Variants in SLC4A1 observed in about 807,000 individuals in gnomAD.
SLC4A1 encodes the protein solute carrier family 4 member 1 (Diego blood group).
Under a neutral mutation model 93.1 loss-of-function variants are expected in SLC4A1, and 29 were observed. The ratio of observed to expected loss-of-function variants is 0.31; its 90% confidence interval spans 0.23 to 0.42. The LOEUF (loss-of-function observed/expected upper bound fraction) is 0.42. Ranked by LOEUF, SLC4A1 falls within the 20% of genes least tolerant of loss-of-function variation. The probability of loss-of-function intolerance (pLI) is 1.00; values close to 1 mark genes in which losing one functional copy is unlikely to be tolerated. For missense variants in SLC4A1, 965 were observed against 1,190.1 expected, an observed-to-expected ratio of 0.81 and a Z score of 2.78; for synonymous variants, 469 against 497.2, an observed-to-expected ratio of 0.94 and a Z score of 0.76.
chr17:44,250,411 T>G lies in SLC4A1; in HGVS notation c.*47A>C. ...TGAACTTCTGCTTTTCCTTGGAAGG[T>G]GGGGATGTGGAATGGTGGGGGAGGG... On this transcript the variant is annotated 3_prime_UTR_variant, in exon 20 of 20. Coordinates refer to ENST00000262418, the MANE Select transcript of SLC4A1 (RefSeq NM_000342.4). 1 of 1,452,148 alleles carries G rather than the reference T, an allele frequency of 6.9e-7. No individual in the cohort carries two copies. Among genetic ancestry groups the G allele is most frequent in the South Asian group, 1.1e-5 (1 of 87,678 alleles). The allele number at this position is 1,452,148 out of a possible 1,614,324, so 90.0% of individuals were successfully genotyped here.
chr17:44,254,463 CCTCCCAGG>C, intron 16 of SLC4A1, 25 bp downstream of exon 16: 1 of 1,318,268 alleles, frequency 7.6e-7, no homozygotes, highest in Non-Finnish European at 1.1e-6. Context: ...TGCCTCCCAC[CCTCCCAGG>C]CCCAGCCCCC....
At position 44,249,305 on chromosome 17, in the gene SLC4A1, T is replaced by C; in HGVS notation, c.*1153A>G. 1 of 405,276 alleles carries C rather than the reference T, an allele frequency of 2.5e-6. No individual in the cohort carries two copies. 25.1% of individuals were successfully genotyped at this position (405,276 alleles called of 1,614,324 possible). On this transcript the variant is annotated 3_prime_UTR_variant, in exon 20 of 20. Coordinates refer to ENST00000262418, the MANE Select transcript of SLC4A1 (RefSeq NM_000342.4). ...GAGAGCCTGCTGTCTCCTACCCCAA[T>C]TGGTCAGATCTGGGTTCTCCCCAAG...
At chr17:44,265,478 T>C (rs1477372653) in intron 1 of SLC4A1, among the ~76,000 whole-genome samples, 1 of 152,106 alleles carries the variant, frequency 6.6e-6, no homozygotes, top group Non-Finnish European at 1.5e-5. Flanking sequence ...CACGCCATTC[T>C]CCTGCCTCAG....
chr17:44,257,290 C>T, intron 13 of SLC4A1, 60 bp downstream of exon 13: 1 of 1,544,268 alleles, frequency 6.5e-7, no homozygotes, highest in Non-Finnish European at 9.0e-7. Context: ...TCGCACCCGG[C>T]CACTGTCTCA....
At chr17:44,264,105 T>C (rs866431238) in intron 1 of SLC4A1, among the ~76,000 whole-genome samples, 1 of 152,096 alleles carries the variant, frequency 6.6e-6, no homozygotes, top group Non-Finnish European at 1.5e-5. Flanking sequence ...TAGACTTAAG[T>C]GAACCTCCCA....
chr17:44,255,255 G>C lies in SLC4A1; in HGVS notation c.1842C>G (p.Ile614Met), dbSNP rs879170703. The change falls in exon 15 of 20, where the codon ATC (isoleucine) becomes ATG (methionine). Residue 614 changes from isoleucine to methionine, a missense_variant. Around this residue, in one of 2 missense-constraint regions of SLC4A1, gnomAD observed 770 missense variants for 1,006.6 expected, o/e 0.76. Transcript: ENST00000262418. ...AGAAATCCACCAGGACCATGATCAGGATGGAGATGGGGACCCCGAAGTCCC... is the reference window on the plus strand; with the variant it reads ...AGAAATCCACCAGGACCATGATCAGCATGGAGATGGGGACCCCGAAGTCCC... ...VIGDFGVPIS[I>M]LIMVLVDFFI... 4 of 1,558,626 alleles carry C rather than the reference G, an allele frequency of 2.6e-6. No individual in the cohort carries two copies. Among genetic ancestry groups the C allele is most frequent in the Middle Eastern group, 1.7e-4 (1 of 5,996 alleles).
intron 17 of SLC4A1, among the ~76,000 whole-genome samples, chr17:44,252,010 G>A (rs1298569464): frequency 7.0e-6 from 1 of 143,420 alleles, no homozygotes; most frequent in African/African-American, 2.6e-5. Context: ...CCAAAGTGTT[G>A]AGATCCCACG....
chr17:44,263,410 A>G (rs992121197), intron 1 of SLC4A1, among the ~76,000 whole-genome samples: 2 of 152,050 alleles, frequency 1.3e-5, no homozygotes, highest in Non-Finnish European at 2.9e-5. Flanking sequence ...AGTGGTCCGC[A>G]GGTCTGGACG....
rs1300126482 is a variant in SLC4A1 at position 44,257,613 on chromosome 17, T to C, written c.1431+46A>G. The stretch of plus-strand genomic sequence containing the variant: ...GGCAAGGCACCATGCATCAGGCAGG[T>C]GGTGCGGGGGACATGACAGGGTCAG... On this transcript the variant is annotated intron_variant, in intron 12 of 19. Transcript: ENST00000262418. The C allele has an allele frequency of 1.9e-6, 3 of 1,612,592 alleles. No homozygotes were observed. In the Admixed American group the frequency reaches 5.0e-5, roughly 27 times the overall value.
rs561323980 is a variant in SLC4A1 at position 44,252,766 on chromosome 17, C to T, written c.2311+352G>A. ...ACATCTGTTGAACCCTCCAACTGTG[C>T]AGACAGGGAAACTGAGACCCAGAGA... is the stretch of plus-strand genomic sequence containing the variant. On this transcript the variant is annotated intron_variant, in intron 17 of 19. Coordinates refer to ENST00000262418, the MANE Select transcript of SLC4A1 (RefSeq NM_000342.4). Among the ~76,000 whole-genome samples the T allele has an allele frequency of 4.6e-5, 7 of 152,314 alleles. No individual in the cohort carries two copies. The East Asian group carries it at 1.4e-3, about 29-fold the overall frequency.
chr17:44,255,627 G>C, intron 14 of SLC4A1, 46 bp downstream of exon 14: 2 of 1,590,382 alleles, frequency 1.3e-6, no homozygotes, highest in Non-Finnish European at 1.7e-6. Flanking sequence ...GCTTTGGGCT[G>C]GGATAGGGCA....
In SLC4A1 at chr17:44,254,544, G is replaced by A; in HGVS notation, c.2009C>T (p.Pro670Leu). ...TATGAGGATGAAGACCAGCAGAGCAGGCAGGGCGGAGGCAAACATCATCCA... is the reference window on the plus strand; with the variant it reads ...TATGAGGATGAAGACCAGCAGAGCAAGCAGGGCGGAGGCAAACATCATCCA... ...PIWMMFASALPALLVFILIFL... is the reference protein window; with the variant it reads ...PIWMMFASALLALLVFILIFL... Residue 670 changes from proline (P) to leucine (L), a missense_variant, in exon 16 of 20, where the codon CCT (proline) becomes CTT (leucine). By Grantham distance (98) the Pro-to-Leu change is moderately conservative. This residue lies in a region of SLC4A1 where 770 missense variants were observed against 1,006.6 expected (regional missense o/e 0.76). Transcript: ENST00000262418. The A allele has an allele frequency of 6.2e-7, 1 of 1,612,210 alleles. No individual in the cohort carries two copies. Among genetic ancestry groups the A allele is most frequent in the Non-Finnish European group, 8.5e-7 (1 of 1,178,944 alleles).
At chr17:44,257,212 G>T in intron 13 of SLC4A1, 138 bp downstream of exon 13, 1 of 813,006 alleles carries the variant, frequency 1.2e-6, no homozygotes, top group Non-Finnish European at 2.1e-6. Context: ...GGCTGGTCTT[G>T]AACTCCTGAT....
intron 6 of SLC4A1, 124 bp from the exon 7 acceptor site, chr17:44,260,056 C>T (rs2047429085): frequency 1.6e-6 from 2 of 1,274,084 alleles, no homozygotes; most frequent in Admixed American, 1.7e-5. Flanking sequence ...TCTGGGACTT[C>T]CCAGACCAGA....
At chr17:44,259,473 G>T in intron 8 of SLC4A1, 24 bp downstream of exon 8, 1 of 1,605,880 alleles carries the variant, frequency 6.2e-7, no homozygotes, top group Non-Finnish European at 8.5e-7. Context: ...GTGGAGGGCT[G>T]AGGGTAGAGA....
chr17:44,258,071 A>G lies in SLC4A1; in HGVS notation c.1197T>C (p.Asp399=). Residue 399 remains aspartate, a synonymous_variant, in exon 11 of 20, where the codon GAT becomes GAC. Coordinates refer to ENST00000262418, the MANE Select transcript of SLC4A1 (RefSeq NM_000342.4). This position sits in a 1 kb window ranked among gnomAD's most constrained non-coding sequence, Gnocchi z 6.1. The part of the protein sequence containing the change: ...RYPYYLSDIT[D]AFSPQVLAAV... ...CAGCCAGGACCTGGGGGCTGAATGC[A>G]TCTGTGATGTCACTCAGGTAATAGG... is the stretch of plus-strand genomic sequence containing the variant. 6.2e-7 allele frequency: 1 copy of G among 1,614,096 alleles called. No homozygotes were observed. The highest frequency in any genetic ancestry group is 8.5e-7 in the Non-Finnish European group (1 of 1,179,986).
intron 17 of SLC4A1, 37 bp downstream of exon 17, chr17:44,253,081 A>G (rs1334878177): frequency 6.2e-7 from 1 of 1,602,634 alleles, no homozygotes; most frequent in South Asian, 1.1e-5. Flanking sequence ...GGTGAGGGGC[A>G]GGAGGATGGT....
intron 1 of SLC4A1, among the ~76,000 whole-genome samples, chr17:44,263,697 C>T (rs1018849108): frequency 1.1e-5 from 1 of 92,616 alleles, no homozygotes; most frequent in Non-Finnish European, 2.1e-5. Flanking sequence ...TCCCTCCTTC[C>T]CTCCCTTCCC....
intron 1 of SLC4A1, among the ~76,000 whole-genome samples, chr17:44,263,633 G>A (rs1255070649): frequency 1.3e-5 from 2 of 151,132 alleles, no homozygotes; most frequent in African/African-American, 2.5e-5. Context: ...CTCTTCAGAG[G>A]CCCTCCCTGG....
Sources: gnomAD v4.1 joint callset for allele counts (sites outside exome capture counted in the v4.1 genomes callset) on GRCh38, gnomAD v4.1.1 for gene constraint, gnomAD v4.1.1 regional missense constraint, Gnocchi (gnomAD v3.1) non-coding constraint, MANE v1.5 for transcripts, NCBI Gene and HGNC (gene_info 2026-07-23, HGNC 2026-07-21) for gene names.